The following GALNT5 variants were observed in gnomAD, a reference collection of about 807,000 sequenced individuals.
GALNT5 encodes the protein polypeptide N-acetylgalactosaminyltransferase 5.
GALNT5 carries 72 observed loss-of-function variants against 85.4 expected under a neutral mutation model. The observed-to-expected ratio is 0.84, with a 90% CI of 0.70 to 1.03. GALNT5 has a LOEUF of 1.03. GALNT5 is among the 50% of genes least tolerant of loss of function. The pLI, the probability that GALNT5 is intolerant of heterozygous loss-of-function variation, is 0.00. For missense variants in GALNT5, 1,137 were observed against 1,135.5 expected, an observed-to-expected ratio of 1.00 and a Z score of -0.02; for synonymous variants, 404 against 397.0, an observed-to-expected ratio of 1.02 and a Z score of -0.21.
chr2:157,268,982 C>T (rs577461663), intron 1 of GALNT5, among the ~76,000 whole-genome samples: 21 of 152,154 alleles, frequency 1.4e-4, no homozygotes, highest in Admixed American at 1.2e-3. Context: ...ATGATATAGG[C>T]AGAAATTAAG....
At chr2:157,262,353 G>C (rs1462191793) in intron 1 of GALNT5, among the ~76,000 whole-genome samples, 1 of 152,074 alleles carries the variant, frequency 6.6e-6, no homozygotes, top group East Asian at 1.9e-4. Context: ...TTAAGAAGTA[G>C]AGGACAGGCA....
intron 1 of GALNT5, among the ~76,000 whole-genome samples, chr2:157,269,176 A>G (rs1289550550): frequency 6.6e-6 from 1 of 152,188 alleles, no homozygotes; most frequent in Non-Finnish European, 1.5e-5. Context: ...CTAGAGTAAG[A>G]GTTTAAAATG....
At chr2:157,302,825 T>C (rs1683371363) in intron 7 of GALNT5, among the ~76,000 whole-genome samples, 1 of 152,220 alleles carries the variant, frequency 6.6e-6, no homozygotes, top group Non-Finnish European at 1.5e-5. Flanking sequence ...TTTTAAAAAG[T>C]GATTTTAACA....
intron 1 of GALNT5, among the ~76,000 whole-genome samples, chr2:157,268,871 T>C (rs1409200638): frequency 6.6e-6 from 1 of 152,184 alleles, no homozygotes; most frequent in Admixed American, 6.5e-5. Context: ...GTATAATAAA[T>C]AGGCATATAG....
chr2:157,310,448 G>A (rs1239913526), intron 9 of GALNT5, among the ~76,000 whole-genome samples: 2 of 152,060 alleles, frequency 1.3e-5, no homozygotes, highest in East Asian at 1.9e-4. Context: ...TCCTGCAAGG[G>A]TGACAATACT....
At position 157,314,749 on chromosome 2, in the gene GALNT5, C is replaced by T. The variant is rs1000219178; in HGVS notation, c.*3401C>T. On this transcript the variant is annotated 3_prime_UTR_variant, in exon 10 of 10. Coordinates refer to ENST00000259056, the MANE Select transcript of GALNT5 (RefSeq NM_014568.3). ...AGAGTACCATCTTTCTTTGTTTTAA[C>T]ATCTCTGATTGAATTCCTATATTCA... Among the ~76,000 whole-genome samples, 1 of 152,046 alleles carries T rather than the reference C, an allele frequency of 6.6e-6. No homozygotes were observed. The highest frequency in any genetic ancestry group is 2.4e-5 in the African/African-American group (1 of 41,416).
chr2:157,282,950 C>T (rs1682888213), intron 1 of GALNT5, among the ~76,000 whole-genome samples: 1 of 152,178 alleles, frequency 6.6e-6, no homozygotes, highest in Non-Finnish European at 1.5e-5. Context: ...ATTTGCTTTA[C>T]TATCGTTTTT....
chr2:157,257,856 G>A lies in GALNT5; in HGVS notation c.-227G>A. The A allele has an allele frequency of 1.8e-6, 1 of 564,412 alleles. No homozygotes were observed. The highest frequency in any genetic ancestry group is 1.9e-5 in the African/African-American group (1 of 53,586). The allele number at this position is 564,412 out of a possible 1,614,324, so 35.0% of individuals were successfully genotyped here. A position where few individuals can be genotyped will look rare whatever the true frequency, so the allele number is the denominator to read the frequency against. On this transcript the variant is annotated 5_prime_UTR_variant, in exon 1 of 10. Transcript: ENST00000259056. ...GTTTATCAGAACTTAGCCAGGGCCAGCCAAGCAGGCACAGATGCTCTGCTA... is the reference window on the plus strand; with the variant it reads ...GTTTATCAGAACTTAGCCAGGGCCAACCAAGCAGGCACAGATGCTCTGCTA...
intron 7 of GALNT5, among the ~76,000 whole-genome samples, chr2:157,304,572 G>T (rs1683413739): frequency 6.6e-6 from 1 of 152,168 alleles, no homozygotes; most frequent in African/African-American, 2.4e-5. Flanking sequence ...GTTTTTCCCA[G>T]TGCAGCATTC....
chr2:157,308,228 A>G (rs112460364), intron 8 of GALNT5, among the ~76,000 whole-genome samples: 2,035 of 152,324 alleles, frequency 0.013, 23 homozygotes, highest in Non-Finnish European at 0.02. Flanking sequence ...CTGAAATGAC[A>G]TCCATATGCA....
intron 7 of GALNT5, chr2:157,302,021 A>C (rs1301773112): frequency 6.6e-6 from 1 of 152,260 alleles, no homozygotes; most frequent in African/African-American, 2.4e-5. Flanking sequence ...AGATATGATT[A>C]GTCAAGCCTT....
chr2:157,270,874 G>A (rs548424154), intron 1 of GALNT5, among the ~76,000 whole-genome samples: 10 of 152,312 alleles, frequency 6.6e-5, no homozygotes, highest in Non-Finnish European at 1.0e-4. Flanking sequence ...CCAGCACTTT[G>A]GGAGGCTGAG....
chr2:157,307,037 G>A (rs1051134164), intron 8 of GALNT5, among the ~76,000 whole-genome samples: 1 of 151,290 alleles, frequency 6.6e-6, no homozygotes, highest in African/African-American at 2.4e-5. Context: ...AATCATCATA[G>A]CAGGGAGTTT....
intron 4 of GALNT5, 69 bp downstream of exon 4, chr2:157,295,867 G>C (rs1051362236): frequency 1.8e-6 from 2 of 1,132,592 alleles, no homozygotes; most frequent in Non-Finnish European, 2.6e-6. Context: ...AAAGTGCTGA[G>C]TATATGCCTA....
chr2:157,273,623 T>C (rs1170351378), intron 1 of GALNT5, among the ~76,000 whole-genome samples: 1 of 144,672 alleles, frequency 6.9e-6, no homozygotes, highest in Non-Finnish European at 1.5e-5. Context: ...AAACAGCATA[T>C]TTCTTGCTTT....
chr2:157,277,588 C>G (rs1335512079), intron 1 of GALNT5, among the ~76,000 whole-genome samples: 1 of 152,144 alleles, frequency 6.6e-6, no homozygotes, highest in Admixed American at 6.5e-5. Context: ...CCTTCTTTGT[C>G]TCTTTTGATC....
At chr2:157,302,033 A>G (rs548403049) in intron 7 of GALNT5, 7 of 152,392 alleles carry the variant, frequency 4.6e-5, no homozygotes, top group African/African-American at 1.7e-4. Flanking sequence ...TCAAGCCTTC[A>G]GCTGGGGTTC....
chr2:157,267,180 G>C (rs16841452), intron 1 of GALNT5, among the ~76,000 whole-genome samples: 2,051 of 152,254 alleles, frequency 0.013, 42 homozygotes, highest in African/African-American at 0.047. Flanking sequence ...TAGAGAGTCA[G>C]AGAAATGGAG....
chr2:157,287,181 GAAGT>G (rs1682999738), intron 3 of GALNT5, among the ~76,000 whole-genome samples: 1 of 152,114 alleles, frequency 6.6e-6, no homozygotes, highest in South Asian at 2.1e-4. Flanking sequence ...TTGGGATTAA[GAAGT>G]AATTTGTGGA....
Sources: allele counts gnomAD v4.1 joint callset (sites outside exome capture counted in the v4.1 genomes callset), GRCh38; gene constraint gnomAD v4.1.1; transcripts MANE v1.5; gene names NCBI Gene and HGNC (gene_info 2026-07-23, HGNC 2026-07-21).